Variants in SHANK2 observed in about 807,000 individuals in gnomAD.
The protein encoded by SHANK2 is SH3 and multiple ankyrin repeat domains 2.
SHANK2 carries 43 observed loss-of-function variants against 133.7 expected under a neutral mutation model. That is an observed-to-expected ratio of 0.32 (90% confidence interval 0.25 to 0.41). The LOEUF (loss-of-function observed/expected upper bound fraction) is 0.41. Ranked by LOEUF, SHANK2 falls within the 10% of genes least tolerant of loss-of-function variation. SHANK2 has a pLI of 1.00. For synonymous variants in SHANK2, 1,017 were observed against 952.8 expected, an observed-to-expected ratio of 1.07 and a Z score of -1.24; for missense variants, 1,994 against 2,235.8, an observed-to-expected ratio of 0.89 and a Z score of 2.18.
intron 1 of SHANK2, among the ~76,000 whole-genome samples, chr11:71,251,480 C>T (rs1277361375): frequency 6.6e-6 from 1 of 151,914 alleles, no homozygotes; most frequent in Non-Finnish European, 1.5e-5. Flanking sequence ...TGGGAGCGGT[C>T]CCCGCGCCTG....
chr11:70,490,209 T>C (rs1555155391), intron 23 of SHANK2, 67 bp downstream of exon 23: 3 of 1,357,162 alleles, frequency 2.2e-6, no homozygotes, highest in Middle Eastern at 1.8e-4. Context: ...TCAGAATTCC[T>C]GAGGGGCCTA....
At chr11:70,646,787 T>C (rs2061266709) in intron 17 of SHANK2, among the ~76,000 whole-genome samples, 1 of 152,176 alleles carries the variant, frequency 6.6e-6, no homozygotes, top group Non-Finnish European at 1.5e-5. Flanking sequence ...TGATCTTTAA[T>C]AGTACTTCTC....
At chr11:70,559,483 C>T (rs765955847) in intron 17 of SHANK2, among the ~76,000 whole-genome samples, 7 of 152,130 alleles carry the variant, frequency 4.6e-5, no homozygotes, top group East Asian at 1.9e-4. Context: ...ATCACTTACT[C>T]GGGAGATCAT....
At chr11:70,741,880 T>G in intron 14 of SHANK2, among the ~76,000 whole-genome samples, 1 of 152,224 alleles carries the variant, frequency 6.6e-6, no homozygotes, top group East Asian at 1.9e-4. Flanking sequence ...CCAGGATTCC[T>G]TCTGCTGCCC....
intron 17 of SHANK2, among the ~76,000 whole-genome samples, chr11:70,642,805 G>A (rs530679993): frequency 6.6e-4 from 100 of 152,206 alleles, no homozygotes; most frequent in Non-Finnish European, 1.2e-3. Context: ...AGGCTTGAGA[G>A]CCATAATTTC....
At position 71,244,951 on chromosome 11, in the gene SHANK2, G is replaced by A. The variant is rs141362469; in HGVS notation, c.-113+7474C>T. Among the ~76,000 whole-genome samples, 43 of 152,096 alleles carry A rather than the reference G, an allele frequency of 2.8e-4. No homozygotes were observed. In the East Asian group the frequency reaches 6.6e-3, roughly 23 times the overall value. ...ACTCCTGACCTCAAGTGATCCACCC[G>A]TCTCGGCCTCCCAAAGTGCTGGGGT... On this transcript the variant is annotated intron_variant, in intron 1 of 25. Transcript: ENST00000601538.
intron 9 of SHANK2, among the ~76,000 whole-genome samples, chr11:71,059,735 G>T (rs1950964505): frequency 6.6e-6 from 1 of 152,232 alleles, no homozygotes; most frequent in South Asian, 2.1e-4. Flanking sequence ...TCACTTGGGA[G>T]ACACAGGTGG....
intron 15 of SHANK2, among the ~76,000 whole-genome samples, chr11:70,671,367 T>C (rs1944804810): frequency 1.3e-5 from 2 of 152,158 alleles, no homozygotes. Flanking sequence ...GCCACGCCCC[T>C]GGCCAAGTTC....
At chr11:70,899,440 A>G (rs1285621904) in intron 10 of SHANK2, among the ~76,000 whole-genome samples, 3 of 152,272 alleles carry the variant, frequency 2.0e-5, no homozygotes, top group African/African-American at 7.2e-5. Context: ...TTTATAAATC[A>G]CCCAGTCTCA....
rs1369792618 is a variant in SHANK2 at position 70,661,566 on chromosome 11, C to CATAT, written c.1936+26_1936+29dup. The CATAT allele has an allele frequency of 5.3e-6, 8 of 1,518,840 alleles. No homozygotes were observed. The African/African-American group carries it at 1.1e-4, about 21-fold the overall frequency. 94.1% of individuals were successfully genotyped at this position (1,518,840 alleles called of 1,614,324 possible). A position where few individuals can be genotyped will look rare whatever the true frequency, so the allele number is the denominator to read the frequency against. On this transcript the variant is annotated intron_variant, in intron 16 of 25. Transcript: ENST00000601538. ...ACACACACACACACAAACATGGGAA[C>CATAT]ATATTCAGGCTCAGAGCGGCTGCTC...
intron 14 of SHANK2, among the ~76,000 whole-genome samples, chr11:70,762,840 G>T (rs1555040530): frequency 1.3e-5 from 2 of 152,248 alleles, no homozygotes; most frequent in African/African-American, 4.8e-5. Context: ...CAGCCCGGAG[G>T]AGGAGGGAAG....
At chr11:70,727,095 A>T (rs1032779402) in intron 14 of SHANK2, among the ~76,000 whole-genome samples, 12 of 152,274 alleles carry the variant, frequency 7.9e-5, no homozygotes, top group Non-Finnish European at 1.5e-4. Context: ...ATAATTTGTT[A>T]TGCAGCAACA....
At chr11:70,912,730 C>A (rs776552505) in intron 10 of SHANK2, among the ~76,000 whole-genome samples, 2 of 152,202 alleles carry the variant, frequency 1.3e-5, no homozygotes, top group Non-Finnish European at 2.9e-5. Context: ...GCACTCACCC[C>A]CAGACTTCCT....
intron 6 of SHANK2, 117 bp downstream of exon 6, chr11:71,109,824 C>T (rs948740063): frequency 1.4e-6 from 1 of 722,448 alleles, no homozygotes; most frequent in South Asian, 1.6e-5. Context: ...CCTTTAAACA[C>T]CAAACAAAAC....
At chr11:70,777,790 C>A (rs1269359012) in intron 14 of SHANK2, among the ~76,000 whole-genome samples, 2 of 152,192 alleles carry the variant, frequency 1.3e-5, no homozygotes, top group African/African-American at 2.4e-5. Context: ...TTCCTGATCC[C>A]AGCTCATCAA....
chr11:70,480,021 C>A (rs2058712639), intron 25 of SHANK2, among the ~76,000 whole-genome samples: 1 of 152,220 alleles, frequency 6.6e-6, no homozygotes, highest in Non-Finnish European at 1.5e-5. Context: ...GATCACACAG[C>A]TGCCTGGGCC....
In SHANK2 at chr11:71,236,585, G is replaced by A. The variant is rs1172756944; in HGVS notation, c.-112-11789C>T. On this transcript the variant is annotated intron_variant, in intron 1 of 25. Coordinates refer to ENST00000601538, the MANE Select transcript of SHANK2 (RefSeq NM_012309.5). ...CGAGATCACGCTCAGCTTGAGCCTGGTTCCAGTAGGCAACTTACAGAACCA... is the reference window on the plus strand; with the variant it reads ...CGAGATCACGCTCAGCTTGAGCCTGATTCCAGTAGGCAACTTACAGAACCA... Among the ~76,000 whole-genome samples the A allele has an allele frequency of 3.9e-5, 6 of 152,312 alleles. 1 individual carries two copies. The highest frequency in any genetic ancestry group is 3.3e-4 in the Admixed American group (5 of 15,292).
At chr11:70,937,750 C>G (rs7124463) in intron 10 of SHANK2, among the ~76,000 whole-genome samples, 4 of 151,550 alleles carry the variant, frequency 2.6e-5, no homozygotes, top group Non-Finnish European at 5.9e-5. Flanking sequence ...GAAAAAAGGT[C>G]TAGGTCAAGT....
chr11:70,483,886 A>T (rs1351869479), intron 25 of SHANK2, among the ~76,000 whole-genome samples: 4 of 152,210 alleles, frequency 2.6e-5, no homozygotes, highest in African/African-American at 9.6e-5. Flanking sequence ...ATGACATCCA[A>T]GTCATTTATT....
Sources: allele counts gnomAD v4.1 joint callset (sites outside exome capture counted in the v4.1 genomes callset), GRCh38; gene constraint gnomAD v4.1.1; transcripts MANE v1.5; gene names NCBI Gene and HGNC (gene_info 2026-07-23, HGNC 2026-07-21).